CLSTN1: variants seen among roughly 807,000 people sequenced by gnomAD.
CLSTN1 encodes the protein calsyntenin-1.
A neutral mutation model predicts 108.3 loss-of-function variants in CLSTN1; 28 were observed. The observed-to-expected ratio is 0.26, with a 90% confidence interval of 0.19 to 0.35. CLSTN1 has a LOEUF of 0.35. CLSTN1 is among the 10% of genes least tolerant of loss of function. CLSTN1 has a pLI of 1.00. For missense variants in CLSTN1, 1,157 were observed against 1,302.6 expected (o/e 0.89, Z 1.72); for synonymous variants, 524 against 534.9 (o/e 0.98, Z 0.28).
chr1:9,781,447 T>C (rs1653241762), intron 1 of CLSTN1, among the ~76,000 whole-genome samples: 1 of 141,186 alleles, frequency 7.1e-6, no homozygotes, highest in African/African-American at 2.7e-5. Context: ...CATCTTATTC[T>C]TTTTTTTTTT....
In CLSTN1 at chr1:9,728,939, C is replaced by G. The variant is rs1371874330; in HGVS notation, c.*1569G>C. The G allele has an allele frequency of 6.6e-6, 1 of 152,104 alleles. No homozygotes were observed. Among genetic ancestry groups the G allele is most frequent in the Non-Finnish European group, 1.5e-5 (1 of 68,014 alleles). 9.4% of individuals were successfully genotyped at this position (152,104 alleles called of 1,614,324 possible). ...AAGAAAGAAAAAGCCTTTTTATGTT[C>G]TTTTATGTTCTCGGCTCAAAAAGAA... On this transcript the variant is annotated 3_prime_UTR_variant, in exon 19 of 19. Transcript: ENST00000377298.
At position 9,785,072 on chromosome 1, in the gene CLSTN1, C is replaced by T. The variant is rs1161680778; in HGVS notation, c.92-11678G>A. 2.0e-5 allele frequency among the ~76,000 whole-genome samples: 3 copies of T among 151,212 alleles called. No homozygotes were observed. In the East Asian group the frequency reaches 5.8e-4, roughly 29 times the overall value. On this transcript the variant is annotated intron_variant, in intron 1 of 18. Coordinates refer to ENST00000377298, the MANE Select transcript of CLSTN1 (RefSeq NM_001009566.3). The stretch of plus-strand genomic sequence containing the variant: ...AATAAAACTACAATGTGTGCCACCA[C>T]TCCCAGCTAATTTTTGTTATTTTTA...
intron 2 of CLSTN1, among the ~76,000 whole-genome samples, chr1:9,768,225 C>A (rs1446252843): frequency 6.7e-6 from 1 of 149,884 alleles, no homozygotes; most frequent in African/African-American, 2.5e-5. Flanking sequence ...CTGGACGGCA[C>A]CATGGGGGCG....
intron 2 of CLSTN1, among the ~76,000 whole-genome samples, chr1:9,758,881 T>A (rs906950701): frequency 3.6e-4 from 55 of 152,304 alleles, no homozygotes; most frequent in African/African-American, 1.3e-3. Context: ...GGTCCCTGCT[T>A]GCTGCTGCAC....
At position 9,729,874 on chromosome 1, in the gene CLSTN1, T is replaced by A. The variant is rs956296730; in HGVS notation, c.*634A>T. ...GGGGCTGGGGCGGGGCTGGGCGGGG[T>A]GGGCCTCTCCCTCTGGGGTCTGGGG... On this transcript the variant is annotated 3_prime_UTR_variant, in exon 19 of 19. Transcript: ENST00000377298. 1 of 153,404 alleles carries A rather than the reference T, an allele frequency of 6.5e-6. No individual in the cohort carries two copies. The highest frequency in any genetic ancestry group is 1.9e-4 in the East Asian group (1 of 5,196). 9.5% of individuals were successfully genotyped at this position (153,404 alleles called of 1,614,324 possible). A position where few individuals can be genotyped will look rare whatever the true frequency, so the allele number is the denominator to read the frequency against.
Position 9,744,537 on chromosome 1 carries a change from C to T in CLSTN1, c.1092G>A (p.Glu364=). Residue 364 remains glutamate, a synonymous_variant, in exon 8 of 19, where the codon GAG becomes GAA. Transcript: ENST00000377298. ...TCCTCACTGCCTGGGTGCCGTTGAA[C>T]TCAAACACCTGGTCGCTGTCGTGGC... ...DNGHDSDQVF[E]FNGTQAVRIP... is the part of the protein sequence containing the mutation. 1.2e-6 allele frequency: 2 copies of T among 1,613,518 alleles called. No individual in the cohort carries two copies. Among genetic ancestry groups the T allele is most frequent in the Non-Finnish European group, 8.5e-7 (1 of 1,179,972 alleles).
intron 1 of CLSTN1, among the ~76,000 whole-genome samples, chr1:9,793,244 G>A (rs766358344): frequency 6.6e-5 from 10 of 151,322 alleles, no homozygotes; most frequent in Non-Finnish European, 8.8e-5. Flanking sequence ...AACTCCTGAC[G>A]TCAGGTGATC....
At chr1:9,754,034 T>C (rs1178381279) in intron 4 of CLSTN1, among the ~76,000 whole-genome samples, 2 of 151,910 alleles carry the variant, frequency 1.3e-5, no homozygotes, top group Admixed American at 1.3e-4. Context: ...CTCAAACTCC[T>C]AGGCTCAAGC....
intron 2 of CLSTN1, among the ~76,000 whole-genome samples, chr1:9,772,179 G>T (rs1471332182): frequency 8.0e-6 from 1 of 124,264 alleles, no homozygotes; most frequent in Admixed American, 9.5e-5. Context: ...TAGAGACGGG[G>T]TTTCACCGTG....
chr1:9,753,369 C>G (rs1031814445), intron 4 of CLSTN1, among the ~76,000 whole-genome samples: 2 of 152,088 alleles, frequency 1.3e-5, no homozygotes, highest in African/African-American at 4.8e-5. Context: ...TATGGCGACC[C>G]CTGTTCTATG....
At position 9,777,130 on chromosome 1, in the gene CLSTN1, G is replaced by T. The variant is rs563494467; in HGVS notation, c.92-3736C>A. 3.4e-5 allele frequency among the ~76,000 whole-genome samples: 5 copies of T among 149,134 alleles called. No homozygotes were observed. In the South Asian group the frequency reaches 8.6e-4, roughly 26 times the overall value. ...AGCTTCTCGGGCGGCTGAGGCAGGAGAATTGCTTGAACCTGGGAGGTGCAG... is the reference window on the plus strand; with the variant it reads ...AGCTTCTCGGGCGGCTGAGGCAGGATAATTGCTTGAACCTGGGAGGTGCAG... On this transcript the variant is annotated intron_variant, in intron 1 of 18. Coordinates refer to ENST00000377298, the MANE Select transcript of CLSTN1 (RefSeq NM_001009566.3).
At position 9,757,484 on chromosome 1, in the gene CLSTN1, A is replaced by G. The variant is rs564384473; in HGVS notation, c.215-974T>C. On this transcript the variant is annotated intron_variant, in intron 2 of 18. Transcript: ENST00000377298. ...TCTCGATCTCCTGACCTCATGATCC[A>G]CCCGCCTCGGCCTCCCAAAGTGCTG... is the stretch of plus-strand genomic sequence containing the variant. 4.7e-3 allele frequency among the ~76,000 whole-genome samples: 702 copies of G among 148,592 alleles called. 4 individuals carry two copies. The highest frequency in any genetic ancestry group is 7.7e-3 in the Non-Finnish European group (510 of 66,620).
At chr1:9,808,344 A>G (rs1260131259) in intron 1 of CLSTN1, among the ~76,000 whole-genome samples, 1 of 152,206 alleles carries the variant, frequency 6.6e-6, no homozygotes, top group East Asian at 1.9e-4. Context: ...ACGCATGTGC[A>G]TGCATGCGCT....
At chr1:9,761,990 C>T (rs1652096006) in intron 2 of CLSTN1, among the ~76,000 whole-genome samples, 1 of 152,224 alleles carries the variant, frequency 6.6e-6, no homozygotes, top group African/African-American at 2.4e-5. Flanking sequence ...AACAGTCCCA[C>T]TGCAGAACAG....
chr1:9,767,595 C>T (rs943324584), intron 2 of CLSTN1, among the ~76,000 whole-genome samples: 5 of 151,686 alleles, frequency 3.3e-5, no homozygotes, highest in East Asian at 1.9e-4. Context: ...TAACCCACAC[C>T]GGGCCCTCAG....
intron 2 of CLSTN1, among the ~76,000 whole-genome samples, chr1:9,764,055 CG>C: frequency 6.6e-6 from 1 of 150,990 alleles, no homozygotes; most frequent in South Asian, 2.1e-4. Flanking sequence ...CCACTCACTG[CG>C]GAAGGCCAAG....
intron 10 of CLSTN1, 114 bp downstream of exon 10, chr1:9,740,980 G>T: frequency 8.5e-7 from 1 of 1,176,466 alleles, no homozygotes; most frequent in South Asian, 1.5e-5. Flanking sequence ...GGAAGGAAAA[G>T]ATCCAGGACA....
At chr1:9,820,426 G>A (rs1655148940) in intron 1 of CLSTN1, among the ~76,000 whole-genome samples, 1 of 152,118 alleles carries the variant, frequency 6.6e-6, no homozygotes, top group African/African-American at 2.4e-5. Flanking sequence ...GGCTGAGGCA[G>A]AAGAATCTCT....
At chr1:9,789,210 G>A (rs1195568315) in intron 1 of CLSTN1, among the ~76,000 whole-genome samples, 2 of 151,368 alleles carry the variant, frequency 1.3e-5, no homozygotes, top group African/African-American at 2.4e-5. Flanking sequence ...TGGATCATAC[G>A]GTGATTCTAT....
Sources: gnomAD v4.1 joint callset for allele counts (sites outside exome capture counted in the v4.1 genomes callset) on GRCh38, gnomAD v4.1.1 for gene constraint, MANE v1.5 for transcripts, NCBI Gene and HGNC (gene_info 2026-07-23, HGNC 2026-07-21) for gene names.